The following HSDL2 variants were observed in gnomAD, a reference collection of about 807,000 sequenced individuals.
HSDL2 encodes hydroxysteroid dehydrogenase like 2.
HSDL2 carries 27 observed loss-of-function variants against 46.3 expected under a neutral mutation model. The ratio of observed to expected loss-of-function variants is 0.58; its 90% CI spans 0.43 to 0.80. HSDL2 has a LOEUF of 0.80. Among genes scored for constraint, HSDL2 ranks in the 30% least tolerant of loss-of-function variants. HSDL2 has a pLI of 0.00. For missense variants in HSDL2, 451 were observed against 502.7 expected (o/e 0.90, Z 0.98); for synonymous variants, 153 against 163.6 (o/e 0.94, Z 0.50).
intron 6 of HSDL2, among the ~76,000 whole-genome samples, chr9:112,435,064 A>C (rs1832493003): frequency 6.6e-6 from 1 of 152,094 alleles, no homozygotes; most frequent in African/African-American, 2.4e-5. Flanking sequence ...AGTTTTTTCT[A>C]ACCTATTGGG....
At chr9:112,439,358 CTT>C (rs1212678217) in intron 7 of HSDL2, among the ~76,000 whole-genome samples, 1 of 152,158 alleles carries the variant, frequency 6.6e-6, no homozygotes, top group African/African-American at 2.4e-5. Context: ...ATATTTGTCT[CTT>C]AAGCGCAGTC....
chr9:112,470,231 G>C (rs1416355615), intron 10 of HSDL2, among the ~76,000 whole-genome samples: 1 of 152,136 alleles, frequency 6.6e-6, no homozygotes, highest in Non-Finnish European at 1.5e-5. Context: ...TTTTATGCTA[G>C]CTCTTAATAG....
intron 1 of HSDL2, among the ~76,000 whole-genome samples, chr9:112,403,180 C>G (rs1564108891): frequency 7.4e-6 from 1 of 135,416 alleles, no homozygotes; most frequent in Non-Finnish European, 1.6e-5. Context: ...GCCACCATCA[C>G]CACAGTCAAT....
chr9:112,417,680 A>AAG (rs1832023213), intron 5 of HSDL2, among the ~76,000 whole-genome samples: 1 of 152,142 alleles, frequency 6.6e-6, no homozygotes, highest in Non-Finnish European at 1.5e-5. Flanking sequence ...GCAAAACTGA[A>AAG]AGAAGTTCCA....
At chr9:112,466,485 G>A (rs150869371) in intron 10 of HSDL2, among the ~76,000 whole-genome samples, 84 of 151,890 alleles carry the variant, frequency 5.5e-4, no homozygotes, top group African/African-American at 1.9e-3. Context: ...CCCAGGAGGC[G>A]GAGGCTGCAG....
intron 10 of HSDL2, among the ~76,000 whole-genome samples, chr9:112,463,520 C>A (rs945637243): frequency 1.3e-5 from 2 of 152,200 alleles, no homozygotes; most frequent in Non-Finnish European, 2.9e-5. Context: ...TTCACCAACA[C>A]TTGTTGTCTT....
chr9:112,418,841 T>C lies in HSDL2; in HGVS notation c.500-19T>C, dbSNP rs779149490. The C allele has an allele frequency of 2.2e-5, 30 of 1,345,150 alleles. No individual in the cohort carries two copies. The highest frequency in any genetic ancestry group is 2.9e-5 in the Non-Finnish European group (28 of 972,028). The allele number at this position is 1,345,150 out of a possible 1,614,324, so 83.3% of individuals were successfully genotyped here. A position where few individuals can be genotyped will look rare whatever the true frequency, so the allele number is the denominator to read the frequency against. ...AATTTCTTTTATAATTAAATTATTA[T>C]TTTTTGTGGTTCTTTCAGCTTATAC... On this transcript the variant is annotated intron_variant, in intron 5 of 10. Coordinates refer to ENST00000398805, the MANE Select transcript of HSDL2 (RefSeq NM_032303.5).
At chr9:112,380,789 T>A (rs1301422649) in intron 1 of HSDL2, among the ~76,000 whole-genome samples, 1 of 152,122 alleles carries the variant, frequency 6.6e-6, no homozygotes, top group Non-Finnish European at 1.5e-5. Context: ...TCTCCAGAAC[T>A]TTTTTCATCT....
chr9:112,456,892 T>G (rs1833045508), intron 9 of HSDL2, among the ~76,000 whole-genome samples: 1 of 152,154 alleles, frequency 6.6e-6, no homozygotes, highest in African/African-American at 2.4e-5. Flanking sequence ...GGGTGGCTCG[T>G]GCCTATTATC....
chr9:112,388,032 G>A (rs1420744273), intron 1 of HSDL2, among the ~76,000 whole-genome samples: 1 of 152,056 alleles, frequency 6.6e-6, no homozygotes, highest in Non-Finnish European at 1.5e-5. Flanking sequence ...GATGATGTGT[G>A]CCTGTAGTCC....
chr9:112,417,709 AATAC>A (rs1336079367), intron 5 of HSDL2, among the ~76,000 whole-genome samples: 3 of 152,268 alleles, frequency 2.0e-5, no homozygotes, highest in African/African-American at 7.2e-5. Context: ...GACTAGGTTA[AATAC>A]ATTTGCAGCC....
At position 112,380,172 on chromosome 9, in the gene HSDL2, C is replaced by T. The variant is rs773155550; in HGVS notation, c.9C>T (p.Pro3=). ML[P]NTGRLAGCTV... ...TCTGATCTACGAAAGTCATGTTACC[C>T]AACACCGGGTAAGGGGGTAGGGGCG... The change falls in exon 1 of 11, where the codon CCC becomes CCT. Residue 3 remains proline, a synonymous_variant. Transcript: ENST00000398805. 4.4e-6 allele frequency: 7 copies of T among 1,574,112 alleles called. No individual in the cohort carries two copies. In the Admixed American group the frequency reaches 7.3e-5, roughly 16 times the overall value.
chr9:112,457,211 A>G (rs1336014606), intron 9 of HSDL2, among the ~76,000 whole-genome samples: 1 of 152,178 alleles, frequency 6.6e-6, no homozygotes, highest in East Asian at 1.9e-4. Context: ...AGGCAAGTGG[A>G]TGCCGTATCT....
intron 6 of HSDL2, among the ~76,000 whole-genome samples, chr9:112,427,150 G>A (rs1418965742): frequency 6.6e-6 from 1 of 152,164 alleles, no homozygotes; most frequent in African/African-American, 2.4e-5. Flanking sequence ...CACCTCCCAG[G>A]TTTAAGTGAT....
intron 6 of HSDL2, among the ~76,000 whole-genome samples, chr9:112,423,695 T>C (rs113465597): frequency 0.027 from 4,161 of 151,630 alleles, 197 homozygotes; most frequent in African/African-American, 0.095. Flanking sequence ...TTGAGGCAGC[T>C]ACAATTCTAG....
chr9:112,424,786 A>G (rs1414786708), intron 6 of HSDL2, among the ~76,000 whole-genome samples: 1 of 151,404 alleles, frequency 6.6e-6, no homozygotes, highest in Non-Finnish European at 1.5e-5. Context: ...TTTTAATTAA[A>G]TATATTACTA....
chr9:112,456,471 C>T (rs1317417118), intron 9 of HSDL2, among the ~76,000 whole-genome samples: 1 of 152,128 alleles, frequency 6.6e-6, no homozygotes, highest in Non-Finnish European at 1.5e-5. Context: ...TCATTGTAAC[C>T]TCCTTGCTTT....
intron 10 of HSDL2, among the ~76,000 whole-genome samples, chr9:112,461,498 C>T (rs1052979286): frequency 6.6e-6 from 1 of 152,066 alleles, no homozygotes; most frequent in East Asian, 1.9e-4. Context: ...TTTGGTGAAT[C>T]GGAATCTTAT....
intron 1 of HSDL2, among the ~76,000 whole-genome samples, chr9:112,387,107 A>G (rs1454530227): frequency 3.9e-5 from 6 of 152,144 alleles, no homozygotes; most frequent in African/African-American, 1.4e-4. Flanking sequence ...AATTATTGTT[A>G]ATTTTCTTGG....
Sources: gnomAD v4.1 joint callset for allele counts (sites outside exome capture counted in the v4.1 genomes callset) on GRCh38, gnomAD v4.1.1 for gene constraint, MANE v1.5 for transcripts, NCBI Gene and HGNC (gene_info 2026-07-23, HGNC 2026-07-21) for gene names.